The following FGF7 variants were observed in gnomAD, a reference collection of about 807,000 sequenced individuals.
FGF7 encodes the protein FGF-7.
Under a neutral mutation model 20.5 loss-of-function variants are expected in FGF7, and 6 were observed. The ratio of observed to expected loss-of-function variants is 0.29; its 90% CI spans 0.16 to 0.58. The LOEUF (loss-of-function observed/expected upper bound fraction) is 0.58. Among genes scored for constraint, FGF7 ranks in the 20% least tolerant of loss-of-function variants. The pLI, the probability that FGF7 is intolerant of heterozygous loss-of-function variation, is 0.90. For missense variants in FGF7, 144 were observed against 228.8 expected, an observed-to-expected ratio of 0.63 and a Z score of 2.39; for synonymous variants, 64 against 74.7, an observed-to-expected ratio of 0.86 and a Z score of 0.74.
intron 2 of FGF7, among the ~76,000 whole-genome samples, chr15:49,468,323 T>A (rs1030028942): frequency 2.6e-5 from 4 of 152,216 alleles, no homozygotes; most frequent in Non-Finnish European, 5.9e-5. Context: ...TATGCAATCA[T>A]GTGGAACTAT....
intron 2 of FGF7, among the ~76,000 whole-genome samples, chr15:49,462,229 T>G (rs924399631): frequency 2.6e-4 from 39 of 152,302 alleles, no homozygotes; most frequent in Admixed American, 2.2e-3. Flanking sequence ...TGATTATTGC[T>G]TTTTTGTACT....
rs905764570 is a variant in FGF7 at position 49,467,722 on chromosome 15, A to G, written c.287-15429A>G. 3.3e-5 allele frequency among the ~76,000 whole-genome samples: 5 copies of G among 152,184 alleles called. No individual in the cohort carries two copies. In the South Asian group the frequency reaches 1.0e-3, roughly 31 times the overall value. On this transcript the variant is annotated intron_variant, in intron 2 of 3. Coordinates refer to ENST00000267843, the MANE Select transcript of FGF7 (RefSeq NM_002009.4). Reference sequence around the variant, plus strand: ...TTGTCAGACAAATAATTCTTTCTGTATAAAAGTTTAGAATCTTTAGTGATT... The same window carrying G: ...TTGTCAGACAAATAATTCTTTCTGTGTAAAAGTTTAGAATCTTTAGTGATT...
At chr15:49,436,974 CATCT>C (rs1467395101) in intron 2 of FGF7, among the ~76,000 whole-genome samples, 1 of 151,524 alleles carries the variant, frequency 6.6e-6, no homozygotes, top group East Asian at 1.9e-4. Context: ...AAAATATATC[CATCT>C]GTCTTCCCCT....
intron 2 of FGF7, among the ~76,000 whole-genome samples, chr15:49,443,592 T>A (rs1400973221): frequency 2.6e-5 from 4 of 151,760 alleles, no homozygotes; most frequent in Non-Finnish European, 4.4e-5. Flanking sequence ...GAAAATAGTT[T>A]TCTAGTATCT....
intron 2 of FGF7, among the ~76,000 whole-genome samples, chr15:49,439,152 C>G (rs1171394796): frequency 1.3e-5 from 2 of 151,512 alleles, no homozygotes. Context: ...TGTTGGCAGG[C>G]CTCTGTTTCT....
intron 2 of FGF7, among the ~76,000 whole-genome samples, chr15:49,478,133 G>A (rs2055534526): frequency 6.6e-6 from 1 of 152,048 alleles, no homozygotes; most frequent in Admixed American, 6.6e-5. Context: ...TAAGTACCCA[G>A]TGTTTAGCTC....
At chr15:49,465,443 T>TA (rs771730946) in intron 2 of FGF7, among the ~76,000 whole-genome samples, 7 of 152,010 alleles carry the variant, frequency 4.6e-5, no homozygotes, top group Non-Finnish European at 1.0e-4. Context: ...GCCTACTTCT[T>TA]AAAGTGTTAA....
At chr15:49,428,297 C>A (rs893688550) in intron 2 of FGF7, among the ~76,000 whole-genome samples, 3 of 152,080 alleles carry the variant, frequency 2.0e-5, no homozygotes, top group Admixed American at 6.6e-5. Flanking sequence ...AAACTAGTAT[C>A]TAACCTTAAC....
chr15:49,426,993 G>C (rs997436281), intron 2 of FGF7, among the ~76,000 whole-genome samples: 1 of 151,948 alleles, frequency 6.6e-6, no homozygotes, highest in Non-Finnish European at 1.5e-5. Flanking sequence ...AAGTTAAAAA[G>C]AGGATAAGCC....
At chr15:49,483,797 A>G (rs947086145) in intron 3 of FGF7, among the ~76,000 whole-genome samples, 1 of 152,134 alleles carries the variant, frequency 6.6e-6, no homozygotes, top group African/African-American at 2.4e-5. Flanking sequence ...ACAGCTAGGC[A>G]TAATGATACA....
chr15:49,436,373 A>G (rs2051105607), intron 2 of FGF7, among the ~76,000 whole-genome samples: 1 of 151,622 alleles, frequency 6.6e-6, no homozygotes, highest in East Asian at 1.9e-4. Context: ...CAAGAAGTTC[A>G]TATATAGAAT....
intron 2 of FGF7, among the ~76,000 whole-genome samples, chr15:49,465,269 A>G (rs71467682): frequency 0.098 from 14,853 of 151,000 alleles, 1,005 homozygotes; most frequent in East Asian, 0.3. Flanking sequence ...AGGTGGGATT[A>G]CAGGCACCTG....
chr15:49,476,911 T>A (rs1195346302), intron 2 of FGF7, among the ~76,000 whole-genome samples: 1 of 151,982 alleles, frequency 6.6e-6, no homozygotes, highest in African/African-American at 2.4e-5. Context: ...TACAAAAAAA[T>A]TAGCCGGGCG....
chr15:49,479,243 TTCTC>T (rs59700895), intron 2 of FGF7, among the ~76,000 whole-genome samples: 1 of 151,628 alleles, frequency 6.6e-6, no homozygotes, highest in Non-Finnish European at 1.5e-5. Flanking sequence ...CATGAGCTGA[TTCTC>T]TCTCTCTTTT....
chr15:49,454,913 T>A (rs964303672), intron 2 of FGF7, among the ~76,000 whole-genome samples: 1 of 152,094 alleles, frequency 6.6e-6, no homozygotes, highest in African/African-American at 2.4e-5. Flanking sequence ...CCAGCCATAA[T>A]ATATTCTTAA....
intron 1 of FGF7, 141 bp from the exon 2 acceptor site, chr15:49,423,891 T>C (rs1374843417): frequency 6.2e-6 from 1 of 160,224 alleles, no homozygotes. Flanking sequence ...ACATCCTCTG[T>C]GAAGGCTGTT....
chr15:49,450,262 C>G (rs981857736), intron 2 of FGF7, among the ~76,000 whole-genome samples: 5 of 152,234 alleles, frequency 3.3e-5, no homozygotes, highest in Middle Eastern at 3.4e-3. Context: ...CATTTCCCTC[C>G]TCATCATCTT....
chr15:49,466,450 A>G (rs892726626), intron 2 of FGF7, among the ~76,000 whole-genome samples: 1 of 152,184 alleles, frequency 6.6e-6, no homozygotes, highest in Non-Finnish European at 1.5e-5. Flanking sequence ...GAAAAATGGG[A>G]GAAAATTATG....
chr15:49,443,506 C>T (rs1212937919), intron 2 of FGF7, among the ~76,000 whole-genome samples: 1 of 151,388 alleles, frequency 6.6e-6, no homozygotes, highest in African/African-American at 2.4e-5. Context: ...GCGAATGATA[C>T]AAAAATGTTA....
Sources: allele counts gnomAD v4.1 joint callset (sites outside exome capture counted in the v4.1 genomes callset), GRCh38; gene constraint gnomAD v4.1.1; transcripts MANE v1.5; gene names NCBI Gene and HGNC (gene_info 2026-07-23, HGNC 2026-07-21).